Variants in PTK2 observed in about 807,000 individuals in gnomAD.
PTK2 encodes the protein protein tyrosine kinase 2, also known as focal adhesion kinase 1.
PTK2 carries 45 observed loss-of-function variants against 150.1 expected under a neutral mutation model. The observed-to-expected ratio is 0.30, with a 90% CI of 0.24 to 0.38. The LOEUF (loss-of-function observed/expected upper bound fraction) is 0.38, where lower values mean the gene tolerates loss of function less well. Among genes scored for constraint, PTK2 ranks in the 10% least tolerant of loss-of-function variants. PTK2 has a pLI of 1.00. For missense variants in PTK2, 919 were observed against 1,307.3 expected, an observed-to-expected ratio of 0.70 and a Z score of 4.58; for synonymous variants, 432 against 449.2, an observed-to-expected ratio of 0.96 and a Z score of 0.48.
At chr8:140,879,412 G>A in intron 4 of PTK2, 59 bp downstream of exon 4, 1 of 1,482,586 alleles carries the variant, frequency 6.7e-7, no homozygotes, top group Non-Finnish European at 9.1e-7. Flanking sequence ...TCTTGTGCAT[G>A]TTTTTAAAAA....
At chr8:140,962,764 G>A (rs1270344024) in intron 1 of PTK2, among the ~76,000 whole-genome samples, 1 of 151,520 alleles carries the variant, frequency 6.6e-6, no homozygotes, top group African/African-American at 2.4e-5. Context: ...CTGGGTGACA[G>A]AGCGAGACTC....
At chr8:140,777,148 T>C (rs2100078926) in intron 14 of PTK2, among the ~76,000 whole-genome samples, 1 of 152,212 alleles carries the variant, frequency 6.6e-6, no homozygotes, top group African/African-American at 2.4e-5. Context: ...TATTAGGCCA[T>C]TATTGTATTG....
At chr8:140,787,369 G>C (rs769503225) in intron 14 of PTK2, among the ~76,000 whole-genome samples, 10 of 152,264 alleles carry the variant, frequency 6.6e-5, no homozygotes, top group Middle Eastern at 3.4e-3. Flanking sequence ...TTTGTTGTAA[G>C]GACTAAATGA....
intron 10 of PTK2, among the ~76,000 whole-genome samples, chr8:140,810,862 G>A (rs2100101106): frequency 6.6e-6 from 1 of 152,138 alleles, no homozygotes; most frequent in South Asian, 2.1e-4. Context: ...TGCTTACAGT[G>A]CACAGGGTGC....
chr8:140,782,242 T>G (rs2100082112), intron 14 of PTK2, among the ~76,000 whole-genome samples: 1 of 117,360 alleles, frequency 8.5e-6, no homozygotes, highest in South Asian at 2.8e-4. Flanking sequence ...AAAATTTGGT[T>G]GTTTTTTTTT....
intron 7 of PTK2, chr8:140,833,054 A>C: frequency 1.9e-6 from 1 of 519,048 alleles, no homozygotes; most frequent in Non-Finnish European, 3.8e-6. Flanking sequence ...ACAAATAAGA[A>C]AGTTAAAGAT....
intron 14 of PTK2, among the ~76,000 whole-genome samples, chr8:140,787,736 C>T (rs1446523903): frequency 1.3e-5 from 2 of 152,220 alleles, no homozygotes; most frequent in Non-Finnish European, 2.9e-5. Context: ...CATTTCCCTT[C>T]TCTCTTGATC....
At chr8:140,801,198 G>A (rs1430807525) in intron 11 of PTK2, among the ~76,000 whole-genome samples, 2 of 152,208 alleles carry the variant, frequency 1.3e-5, no homozygotes, top group Non-Finnish European at 2.9e-5. Flanking sequence ...TAAGTGAGGA[G>A]TGCTGCAAAT....
intron 4 of PTK2, among the ~76,000 whole-genome samples, chr8:140,865,807 A>G (rs1342442360): frequency 6.6e-6 from 1 of 152,072 alleles, no homozygotes; most frequent in Non-Finnish European, 1.5e-5. Context: ...TTTTTGAGAC[A>G]GGGTCTGGCT....
At position 140,784,786 on chromosome 8, in the gene PTK2, G is replaced by C. The variant is rs147967809; in HGVS notation, c.1177+4688C>G. ...TACAGGCAGGGACACATGTTGTTCT[G>C]TTAGATATTTTTATAAATCTCTGTT... On this transcript the variant is annotated intron_variant, in intron 14 of 31. Transcript: ENST00000522684. Among the ~76,000 whole-genome samples, 988 of 152,246 alleles carry C rather than the reference G, an allele frequency of 6.5e-3. 14 individuals carry two copies. Among genetic ancestry groups the C allele is most frequent in the African/African-American group, 0.022 (911 of 41,544 alleles).
At chr8:140,732,411 T>C (rs1306541393) in intron 22 of PTK2, among the ~76,000 whole-genome samples, 1 of 152,232 alleles carries the variant, frequency 6.6e-6, no homozygotes, top group South Asian at 2.1e-4. Flanking sequence ...TCTAAAAATA[T>C]GTATTGGATA....
At chr8:140,768,525 G>T (rs1341172905) in intron 14 of PTK2, among the ~76,000 whole-genome samples, 2 of 152,154 alleles carry the variant, frequency 1.3e-5, no homozygotes, top group Non-Finnish European at 2.9e-5. Flanking sequence ...TGACTGGATG[G>T]GGCAGTGGAA....
intron 26 of PTK2, among the ~76,000 whole-genome samples, chr8:140,700,458 C>T (rs545910414): frequency 1.1e-4 from 17 of 151,900 alleles, no homozygotes; most frequent in Non-Finnish European, 2.1e-4. Flanking sequence ...AGGCATTAAC[C>T]ACCACATCCA....
In PTK2 at chr8:140,935,730, C is replaced by T. The variant is rs150448255; in HGVS notation, c.-121-9981G>A. On this transcript the variant is annotated intron_variant, in intron 1 of 31. Transcript: ENST00000522684. The stretch of plus-strand genomic sequence containing the variant: ...TTTTTTTTTTTTTGAGACAGAGTCT[C>T]GCTCTTTGCCTCGGCTCACTGCAAG... Among the ~76,000 whole-genome samples the T allele has an allele frequency of 6.2e-3, 619 of 99,384 alleles. 6 individuals carry two copies. The highest frequency in any genetic ancestry group is 0.027 in the South Asian group (74 of 2,776). 65.2% of individuals were successfully genotyped at this position (99,384 alleles called of 152,430 possible). A position where few individuals can be genotyped will look rare whatever the true frequency, so the allele number is the denominator to read the frequency against.
rs545329265 is a variant in PTK2 at position 140,754,795 on chromosome 8, G to A, written c.1333-2479C>T. ...AGTGGCCCCTAAAGTGGACAGCAGA[G>A]GTCTAGGGAATGCTGAACTGTTAGA... On this transcript the variant is annotated intron_variant, in intron 16 of 31. Coordinates refer to ENST00000522684, the Ensembl canonical transcript of PTK2. 1.4e-3 allele frequency among the ~76,000 whole-genome samples: 209 copies of A among 152,332 alleles called. 1 individual carries two copies. Among genetic ancestry groups the A allele is most frequent in the African/African-American group, 4.9e-3 (203 of 41,580 alleles).
At chr8:140,856,230 T>C (rs900747132) in intron 5 of PTK2, among the ~76,000 whole-genome samples, 31 of 152,126 alleles carry the variant, frequency 2.0e-4, no homozygotes, top group African/African-American at 1.9e-4. Context: ...CTCTCATACA[T>C]TACTGGAGGA....
chr8:140,978,358 C>T (rs1263668411), intron 1 of PTK2, among the ~76,000 whole-genome samples: 4 of 152,200 alleles, frequency 2.6e-5, no homozygotes, highest in African/African-American at 9.7e-5. Flanking sequence ...GCAATCTACT[C>T]ATCTGACAAA....
rs189677102 is a variant in PTK2, at chr8:140,707,475, G to A, written c.2143-1270C>T. Reference sequence around the variant, plus strand: ...AGGCTGGAGTGCAAGGTATAATCCCGGCTCACTGCAACCACTGCCTCCCGG... The same window carrying A: ...AGGCTGGAGTGCAAGGTATAATCCCAGCTCACTGCAACCACTGCCTCCCGG... On this transcript the variant is annotated intron_variant, in intron 23 of 31. Transcript: ENST00000522684. Among the ~76,000 whole-genome samples the A allele has an allele frequency of 7.8e-4, 119 of 152,278 alleles. No individual in the cohort carries two copies. The Middle Eastern group carries it at 0.02, about 26-fold the overall frequency.
intron 26 of PTK2, among the ~76,000 whole-genome samples, chr8:140,696,183 G>A (rs1388277843): frequency 6.6e-6 from 1 of 152,130 alleles, no homozygotes; most frequent in African/African-American, 2.4e-5. Flanking sequence ...GCTGAATAAA[G>A]AAAGTTCCCA....
Sources: allele counts gnomAD v4.1 joint callset (sites outside exome capture counted in the v4.1 genomes callset), GRCh38; gene constraint gnomAD v4.1.1; transcripts MANE v1.5; gene names NCBI Gene and HGNC (gene_info 2026-07-23, HGNC 2026-07-21).